SAMD3: variants seen among roughly 807,000 people sequenced by gnomAD.
SAMD3 encodes sterile alpha motif domain-containing protein 3.
SAMD3 carries 63 observed loss-of-function variants against 58.5 expected under a neutral mutation model. The ratio of observed to expected loss-of-function variants is 1.08; its 90% confidence interval spans 0.88 to 1.33. The LOEUF (loss-of-function observed/expected upper bound fraction) is 1.33, where lower values mean the gene tolerates loss of function less well. SAMD3 is among the 40% of genes most tolerant of loss of function. The pLI, the probability that SAMD3 is intolerant of heterozygous loss-of-function variation, is 0.00. For missense variants in SAMD3, 604 were observed against 608.4 expected (o/e 0.99, Z 0.08); for synonymous variants, 220 against 210.3 (o/e 1.05, Z -0.40).
At chr6:130,314,036 T>G (rs192721537) in intron 1 of SAMD3, among the ~76,000 whole-genome samples, 5 of 152,238 alleles carry the variant, frequency 3.3e-5, no homozygotes, top group Non-Finnish European at 7.3e-5. Context: ...GGAGCAATAG[T>G]AAACATGTGT....
Position 130,215,258 on chromosome 6 carries a change from C to CT in SAMD3, c.15dup (p.Val6SerfsTer2). On this transcript the variant is annotated frameshift_variant, in exon 3 of 12. Transcript: ENST00000439090. LOFTEE classifies it high-confidence loss of function. ...ACCAACCAACTGCAGACCTGCTCAA[C>CT]TGACCAGGTTTCCATTGCTGTCTCC... 1 of 1,609,608 alleles carries CT rather than the reference C, an allele frequency of 6.2e-7. No individual in the cohort carries two copies. Among genetic ancestry groups the CT allele is most frequent in the South Asian group, 1.1e-5 (1 of 90,764 alleles).
At chr6:130,144,107 T>C (rs116149700), downstream of SAMD3, 1,791 of 165,108 alleles carry the variant, frequency 0.011, 41 homozygotes, top group African/African-American at 0.041. Context: ...AAGTTCAAAA[T>C]GTTCCCAAGT....
At chr6:130,158,994 C>T (rs1790045711) in intron 8 of SAMD3, among the ~76,000 whole-genome samples, 2 of 152,128 alleles carry the variant, frequency 1.3e-5, no homozygotes. Context: ...AAAGTTATAT[C>T]CCAATGCAAA....
rs534667558 is a variant in SAMD3, at chr6:130,171,735, A to C, written c.822+4106T>G. Among the ~76,000 whole-genome samples, 3 of 152,318 alleles carry C rather than the reference A, an allele frequency of 2.0e-5. No homozygotes were observed. The South Asian group carries it at 6.2e-4, about 32-fold the overall frequency. On this transcript the variant is annotated intron_variant, in intron 8 of 11. Coordinates refer to ENST00000439090, the MANE Select transcript of SAMD3 (RefSeq NM_001017373.4). ...GATATCTATTAGGTCCACTTGGTTC[A>C]GAGCTGAGTTCAAGTCCTGAATATC...
chr6:130,337,289 C>A (rs538241528), intron 1 of SAMD3, among the ~76,000 whole-genome samples: 4 of 152,216 alleles, frequency 2.6e-5, no homozygotes, highest in Admixed American at 1.3e-4. Context: ...CTCTCTTCTG[C>A]CACCAATTAA....
intron 2 of SAMD3, among the ~76,000 whole-genome samples, chr6:130,282,890 G>A (rs1373954527): frequency 6.6e-6 from 1 of 152,172 alleles, no homozygotes; most frequent in Non-Finnish European, 1.5e-5. Context: ...AACTTTCAGG[G>A]AGGCATGCCC....
intron 2 of SAMD3, among the ~76,000 whole-genome samples, chr6:130,268,638 C>A (rs926987448): frequency 3.9e-5 from 6 of 152,066 alleles, no homozygotes; most frequent in East Asian, 1.9e-4. Context: ...TACATACTTA[C>A]CATTGTGTTA....
chr6:130,276,166 T>C (rs773808877), intron 2 of SAMD3, among the ~76,000 whole-genome samples: 19 of 152,078 alleles, frequency 1.2e-4, no homozygotes, highest in Non-Finnish European at 2.8e-4. Flanking sequence ...AAAGAAAGTA[T>C]GTGGCCTTTA....
At chr6:130,262,561 T>G (rs1436712219) in intron 2 of SAMD3, among the ~76,000 whole-genome samples, 2 of 150,230 alleles carry the variant, frequency 1.3e-5, no homozygotes, top group African/African-American at 4.9e-5. Flanking sequence ...GACAGGATGA[T>G]GGATGGTTCC....
At chr6:130,187,186 C>T (rs189261829) in intron 5 of SAMD3, among the ~76,000 whole-genome samples, 27 of 152,208 alleles carry the variant, frequency 1.8e-4, no homozygotes, top group Admixed American at 9.8e-4. Context: ...AGCTGCCTGC[C>T]GGGTCCAGGT....
chr6:130,309,369 C>G (rs1338596764), intron 2 of SAMD3, among the ~76,000 whole-genome samples: 1 of 152,206 alleles, frequency 6.6e-6, no homozygotes, highest in Non-Finnish European at 1.5e-5. Context: ...ATATCCCCCA[C>G]TTCACAGGGC....
intron 7 of SAMD3, among the ~76,000 whole-genome samples, chr6:130,180,270 GC>G (rs892737413): frequency 3.3e-4 from 49 of 147,906 alleles, no homozygotes; most frequent in South Asian, 2.4e-3. Context: ...ACAGGCTCAT[GC>G]CACCATACCT....
chr6:130,266,739 T>C (rs527719369), intron 2 of SAMD3, among the ~76,000 whole-genome samples: 2 of 152,300 alleles, frequency 1.3e-5, no homozygotes, highest in East Asian at 3.9e-4. Context: ...ATTGGAATTA[T>C]TAAACCATCT....
intron 1 of SAMD3, among the ~76,000 whole-genome samples, chr6:130,339,416 T>C (rs1468380976): frequency 6.6e-6 from 1 of 152,156 alleles, no homozygotes; most frequent in Admixed American, 6.5e-5. Flanking sequence ...AAAGAGATGA[T>C]TGGATCATAG....
Position 130,190,774 on chromosome 6 carries a change from A to G in SAMD3, c.384-6151T>C, listed in dbSNP as rs140625193. On this transcript the variant is annotated intron_variant, in intron 5 of 11. Coordinates refer to ENST00000439090, the MANE Select transcript of SAMD3 (RefSeq NM_001017373.4). ...CTTCTCCTCTGTGATCCATCATCCA[A>G]TTTTACATAAACACCGATTTAATCA... Among the ~76,000 whole-genome samples, 535 of 152,052 alleles carry G rather than the reference A, an allele frequency of 3.5e-3. 7 individuals are homozygous for G. Among genetic ancestry groups the G allele is most frequent in the African/African-American group, 0.012 (512 of 41,476 alleles).
At chr6:130,314,191 A>G (rs762402212) in intron 1 of SAMD3, among the ~76,000 whole-genome samples, 6 of 152,190 alleles carry the variant, frequency 3.9e-5, no homozygotes, top group Admixed American at 6.5e-5. Flanking sequence ...TGGAAATTTG[A>G]AGGTACAAAA....
At chr6:130,147,763 T>C (rs1340151375) in intron 9 of SAMD3, among the ~76,000 whole-genome samples, 4 of 152,200 alleles carry the variant, frequency 2.6e-5, no homozygotes, top group African/African-American at 4.8e-5. Flanking sequence ...CAGGATCCCA[T>C]ATGAGATTTA....
intron 1 of SAMD3, among the ~76,000 whole-genome samples, chr6:130,340,729 C>T (rs1482658876): frequency 6.6e-6 from 1 of 152,208 alleles, no homozygotes; most frequent in Non-Finnish European, 1.5e-5. Flanking sequence ...AATACTAGGT[C>T]TGATCCAATT....
chr6:130,353,075 C>T (rs1380816590), intron 1 of SAMD3, among the ~76,000 whole-genome samples: 1 of 152,172 alleles, frequency 6.6e-6, no homozygotes, highest in Non-Finnish European at 1.5e-5. Context: ...TTTTGAAATG[C>T]TATACTCACT....
Sources: gnomAD v4.1 joint callset for allele counts (sites outside exome capture counted in the v4.1 genomes callset) on GRCh38, gnomAD v4.1.1 for gene constraint, MANE v1.5 for transcripts, NCBI Gene and HGNC (gene_info 2026-07-23, HGNC 2026-07-21) for gene names.